Variants in SGCZ observed in about 807,000 individuals in gnomAD.
The protein encoded by SGCZ is sarcoglycan zeta, also known as zeta-sarcoglycan.
A neutral mutation model predicts 41.3 loss-of-function variants in SGCZ; 40 were observed. That is an observed-to-expected ratio of 0.97 (90% CI 0.75 to 1.26). SGCZ has a LOEUF of 1.26. Ranked by LOEUF, SGCZ falls within the 50% of genes most tolerant of loss-of-function variation. The pLI is 0.00. For missense variants in SGCZ, 552 were observed against 369.8 expected, an observed-to-expected ratio of 1.49 and a Z score of -4.04; for synonymous variants, 206 against 137.5, an observed-to-expected ratio of 1.50 and a Z score of -3.49.
At chr8:14,454,201 AGGT>A (rs1268968105) in intron 2 of SGCZ, among the ~76,000 whole-genome samples, 1 of 152,158 alleles carries the variant, frequency 6.6e-6, no homozygotes, top group Non-Finnish European at 1.5e-5. Flanking sequence ...TCTAATATGT[AGGT>A]TAAGAAGGTT....
rs184143711 is a variant in SGCZ at position 14,698,736 on chromosome 8, A to G, written c.40-143810T>C. Among the ~76,000 whole-genome samples the G allele has an allele frequency of 8.5e-5, 13 of 152,082 alleles. No homozygotes were observed. The East Asian group carries it at 2.5e-3, about 29-fold the overall frequency. ...AAATCAGCACAAGTATGTTGTGCAC[A>G]AAGACTAAGCCAGTAGACACTAATT... On this transcript the variant is annotated intron_variant, in intron 1 of 7. Transcript: ENST00000382080.
At chr8:14,412,249 T>C (rs1231682901) in intron 2 of SGCZ, among the ~76,000 whole-genome samples, 1 of 152,154 alleles carries the variant, frequency 6.6e-6, no homozygotes, top group East Asian at 1.9e-4. Context: ...TTTCCTCTTT[T>C]GGAAAAAATC....
chr8:14,830,538 T>C (rs1248971177), intron 1 of SGCZ, among the ~76,000 whole-genome samples: 3 of 152,214 alleles, frequency 2.0e-5, no homozygotes, highest in Non-Finnish European at 4.4e-5. Context: ...ATTGTAACTT[T>C]ATATGTTTTT....
chr8:14,284,873 T>C (rs1158605229), intron 3 of SGCZ, among the ~76,000 whole-genome samples: 2 of 152,216 alleles, frequency 1.3e-5, no homozygotes, highest in African/African-American at 4.8e-5. Flanking sequence ...CTGTATGTTT[T>C]TTCTGTTGTC....
chr8:14,438,569 A>T (rs1464775740), intron 2 of SGCZ, among the ~76,000 whole-genome samples: 2 of 152,000 alleles, frequency 1.3e-5, no homozygotes, highest in Admixed American at 6.6e-5. Context: ...AAAAGCATAA[A>T]AAGTGTTCCT....
At chr8:14,161,988 T>C (rs773985617) in intron 5 of SGCZ, among the ~76,000 whole-genome samples, 34 of 152,016 alleles carry the variant, frequency 2.2e-4, no homozygotes, top group Non-Finnish European at 2.8e-4. Flanking sequence ...AGAGAATAGA[T>C]AACTGCCTTA....
chr8:14,174,746 G>C (rs960323132), intron 4 of SGCZ, among the ~76,000 whole-genome samples: 17 of 152,102 alleles, frequency 1.1e-4, no homozygotes, highest in Middle Eastern at 3.2e-3. Flanking sequence ...CTGTAATAAA[G>C]ACCACAGTCT....
At position 15,050,813 on chromosome 8, in the gene SGCZ, C is replaced by T. The variant is rs144845683; in HGVS notation, c.39+186772G>A. 1.1e-3 allele frequency among the ~76,000 whole-genome samples: 165 copies of T among 152,122 alleles called. 1 individual carries two copies. Among genetic ancestry groups the T allele is most frequent in the African/African-American group, 3.9e-3 (161 of 41,514 alleles). On this transcript the variant is annotated intron_variant, in intron 1 of 7. Transcript: ENST00000382080. ...GGAAGGATAAAAATGAAGACAATAA[C>T]CAGAAGTGGTAGATAAAGAGAATAT...
intron 5 of SGCZ, among the ~76,000 whole-genome samples, chr8:14,111,657 G>C (rs370240139): frequency 6.6e-6 from 1 of 152,122 alleles, no homozygotes; most frequent in Non-Finnish European, 1.5e-5. Flanking sequence ...ACAAGACATA[G>C]GGAAAACCTA....
intron 1 of SGCZ, among the ~76,000 whole-genome samples, chr8:14,875,996 T>A (rs1023036224): frequency 1.3e-5 from 2 of 152,076 alleles, no homozygotes; most frequent in Non-Finnish European, 2.9e-5. Flanking sequence ...CACAAACCAT[T>A]TGGGAACTCT....
intron 5 of SGCZ, among the ~76,000 whole-genome samples, chr8:14,112,129 G>A (rs1218946658): frequency 6.6e-6 from 1 of 152,006 alleles, no homozygotes; most frequent in Non-Finnish European, 1.5e-5. Flanking sequence ...ACCAAGAAAG[G>A]CAAGAACACC....
At chr8:14,662,267 C>T (rs896173092) in intron 1 of SGCZ, among the ~76,000 whole-genome samples, 19 of 152,156 alleles carry the variant, frequency 1.2e-4, no homozygotes, top group Admixed American at 5.2e-4. Flanking sequence ...GGTTGACAGA[C>T]TTTGGATTCA....
At chr8:14,475,765 TAC>T (rs957735059) in intron 2 of SGCZ, among the ~76,000 whole-genome samples, 2 of 151,900 alleles carry the variant, frequency 1.3e-5, no homozygotes, top group Admixed American at 6.6e-5. Flanking sequence ...GATATATATA[TAC>T]ACACACACAA....
At chr8:14,855,449 A>G (rs1220253514) in intron 1 of SGCZ, among the ~76,000 whole-genome samples, 8 of 152,062 alleles carry the variant, frequency 5.3e-5, no homozygotes, top group African/African-American at 1.4e-4. Context: ...ATGTCAAAAC[A>G]TTGCCCCATT....
intron 5 of SGCZ, among the ~76,000 whole-genome samples, chr8:14,112,005 C>G (rs979350995): frequency 1.3e-5 from 2 of 152,052 alleles, no homozygotes; most frequent in Admixed American, 6.6e-5. Context: ...ATATCCTACG[C>G]TACTCATTAT....
chr8:14,412,827 C>T lies in SGCZ; in HGVS notation c.235-88623G>A, dbSNP rs181633170. 4.1e-4 allele frequency among the ~76,000 whole-genome samples: 62 copies of T among 152,022 alleles called. 1 individual carries two copies. In the East Asian group the frequency reaches 8.3e-3, roughly 20 times the overall value. On this transcript the variant is annotated intron_variant, in intron 2 of 7. Coordinates refer to ENST00000382080, the MANE Select transcript of SGCZ (RefSeq NM_139167.4). ...CATAACTTTAATTAAAATAGTTGAA[C>T]TTGAAGAGTATTTGACATTCTGAAA... is the stretch of plus-strand genomic sequence containing the variant.
At chr8:14,365,714 A>G (rs1803679923) in intron 2 of SGCZ, among the ~76,000 whole-genome samples, 1 of 152,124 alleles carries the variant, frequency 6.6e-6, no homozygotes, top group Admixed American at 6.6e-5. Flanking sequence ...ATAGGTTTTT[A>G]TCTTAAGGCT....
chr8:14,273,580 A>C (rs1411118612), intron 3 of SGCZ, among the ~76,000 whole-genome samples: 3 of 152,182 alleles, frequency 2.0e-5, no homozygotes, highest in Non-Finnish European at 4.4e-5. Flanking sequence ...GTTTAACTAC[A>C]CTACATACTA....
At chr8:14,991,544 T>G (rs932685005) in intron 1 of SGCZ, among the ~76,000 whole-genome samples, 4 of 152,122 alleles carry the variant, frequency 2.6e-5, no homozygotes, top group African/African-American at 9.7e-5. Context: ...ACGTGATGCT[T>G]TCCTTGAATA....
Sources: allele counts gnomAD v4.1 joint callset (sites outside exome capture counted in the v4.1 genomes callset), GRCh38; gene constraint gnomAD v4.1.1; transcripts MANE v1.5; gene names NCBI Gene and HGNC (gene_info 2026-07-23, HGNC 2026-07-21).